Variants in MITF observed in about 807,000 individuals in gnomAD.
MITF encodes the protein melanocyte inducing transcription factor.
Under a neutral mutation model 60.5 loss-of-function variants are expected in MITF, and 17 were observed. That is an observed-to-expected ratio of 0.28 (90% CI 0.19 to 0.42). MITF has a LOEUF of 0.42. Among genes scored for constraint, MITF ranks in the 10% least tolerant of loss-of-function variants. The probability of loss-of-function intolerance (pLI) is 1.00; values close to 1 mark genes in which losing one functional copy is unlikely to be tolerated. For synonymous variants in MITF, 260 were observed against 248.5 expected (o/e 1.05, Z -0.43); for missense variants, 622 against 683.5 (o/e 0.91, Z 1.00).
intron 1 of MITF, among the ~76,000 whole-genome samples, chr3:69,822,255 G>A (rs2063287792): frequency 6.6e-6 from 1 of 152,036 alleles, no homozygotes; most frequent in Non-Finnish European, 1.5e-5. Flanking sequence ...AACAGAGAAA[G>A]AACATGTGGT....
intron 2 of MITF, among the ~76,000 whole-genome samples, chr3:69,919,971 A>T (rs1478077719): frequency 6.6e-6 from 1 of 152,216 alleles, no homozygotes. Flanking sequence ...TAGTTATACC[A>T]GATATAGATC....
At position 69,895,808 on chromosome 3, in the gene MITF, T is replaced by TTGTGTGTG. The variant is rs35088149; in HGVS notation, c.354+16459_354+16466dup. On this transcript the variant is annotated intron_variant, in intron 2 of 9. Transcript: ENST00000352241. The stretch of plus-strand genomic sequence containing the variant: ...TCCTTAAGAGAGAATTGTGGAGTGT[T>TTGTGTGTG]TGTGTGTGTGTGTGTGTGTGTGTGT... Among the ~76,000 whole-genome samples, 195 of 140,142 alleles carry TTGTGTGTG rather than the reference T, an allele frequency of 1.4e-3. 1 individual carries two copies. The highest frequency in any genetic ancestry group is 6.3e-3 in the South Asian group (27 of 4,298). 91.9% of individuals were successfully genotyped at this position (140,142 alleles called of 152,430 possible). A position where few individuals can be genotyped will look rare whatever the true frequency, so the allele number is the denominator to read the frequency against.
chr3:69,758,796 A>G (rs1394522141), intron 1 of MITF: 1 of 208,860 alleles, frequency 4.8e-6, no homozygotes, highest in Non-Finnish European at 9.7e-6. Context: ...CCTTTCAGGA[A>G]AATGTGTAAG....
rs1160501149 is a variant in MITF at position 69,967,034 on chromosome 3, G to A, written c.*1786G>A. ...ACAGAGTGCCAACTTCTTTCATCAG[G>A]AAACCTTATTCAGGAGGGTTTTTAA... On this transcript the variant is annotated 3_prime_UTR_variant, in exon 10 of 10. Coordinates refer to ENST00000352241, the MANE Select transcript of MITF (RefSeq NM_001354604.2). 4.3e-6 allele frequency: 1 copy of A among 232,078 alleles called. No individual in the cohort carries two copies. The highest frequency in any genetic ancestry group is 2.2e-5 in the African/African-American group (1 of 45,222). 14.4% of individuals were successfully genotyped at this position (232,078 alleles called of 1,614,324 possible). A position where few individuals can be genotyped will look rare whatever the true frequency, so the allele number is the denominator to read the frequency against.
chr3:69,814,666 G>A (rs1253806468), intron 1 of MITF, among the ~76,000 whole-genome samples: 1 of 152,042 alleles, frequency 6.6e-6, no homozygotes, highest in Admixed American at 6.6e-5. Context: ...ATTTGTGTGT[G>A]TGTGTGTCTG....
At position 69,965,264 on chromosome 3, in the gene MITF, C is replaced by T. The variant is rs2107553863; in HGVS notation, c.*16C>T. The T allele has an allele frequency of 6.2e-7, 1 of 1,611,800 alleles. No individual in the cohort carries two copies. Among genetic ancestry groups the T allele is most frequent in the East Asian group, 2.2e-5 (1 of 44,802 alleles). On this transcript the variant is annotated 3_prime_UTR_variant, in exon 10 of 10. Coordinates refer to ENST00000352241, the MANE Select transcript of MITF (RefSeq NM_001354604.2). Reference sequence around the variant, plus strand: ...CACTTGTTAGCGAATCCTCCCTGCACTGCATTCGCACAAACTGCTTCCTTT... The same window carrying T: ...CACTTGTTAGCGAATCCTCCCTGCATTGCATTCGCACAAACTGCTTCCTTT...
intron 1 of MITF, among the ~76,000 whole-genome samples, chr3:69,817,118 CTG>C (rs751716980): frequency 5.9e-5 from 9 of 152,116 alleles, no homozygotes; most frequent in Non-Finnish European, 1.0e-4. Flanking sequence ...CTCCTGAAGA[CTG>C]TATTTAAAAT....
intron 1 of MITF, among the ~76,000 whole-genome samples, chr3:69,798,457 G>T (rs375758789): frequency 1.3e-5 from 2 of 152,148 alleles, no homozygotes; most frequent in Non-Finnish European, 2.9e-5. Flanking sequence ...TATTTAAAGC[G>T]CATAGCATGG....
At chr3:69,807,473 C>T (rs1301167196) in intron 1 of MITF, among the ~76,000 whole-genome samples, 1 of 152,220 alleles carries the variant, frequency 6.6e-6, no homozygotes, top group Non-Finnish European at 1.5e-5. Flanking sequence ...TTTCCCTTCT[C>T]AAAGGCAATT....
At chr3:69,848,656 G>T (rs538353067) in intron 1 of MITF, among the ~76,000 whole-genome samples, 2 of 152,270 alleles carry the variant, frequency 1.3e-5, no homozygotes, top group Non-Finnish European at 2.9e-5. Context: ...GTGCAAAAGG[G>T]CTTTGCAAAA....
At chr3:69,941,119 A>G (rs2065958568) in intron 4 of MITF, 117 bp from the exon 5 acceptor site, 3 of 670,958 alleles carry the variant, frequency 4.5e-6, no homozygotes, top group Non-Finnish European at 7.9e-6. Flanking sequence ...GTTACTTCTT[A>G]GAATCTAACT....
intron 2 of MITF, among the ~76,000 whole-genome samples, chr3:69,883,221 C>G (rs552367611): frequency 1.3e-5 from 2 of 152,112 alleles, no homozygotes; most frequent in African/African-American, 4.8e-5. Context: ...TCAAGAGTTG[C>G]GCAAATTGCT....
chr3:69,853,502 G>A (rs527720424), intron 1 of MITF, among the ~76,000 whole-genome samples: 43 of 151,832 alleles, frequency 2.8e-4, no homozygotes, highest in African/African-American at 8.5e-4. Context: ...ATACCTGTCC[G>A]TTTAGTAAAG....
intron 1 of MITF, among the ~76,000 whole-genome samples, chr3:69,810,840 C>A (rs1206006130): frequency 6.6e-6 from 1 of 152,132 alleles, no homozygotes; most frequent in African/African-American, 2.4e-5. Flanking sequence ...CTTCATGGAG[C>A]TTATATTTTA....
At chr3:69,836,442 TG>T in intron 1 of MITF, among the ~76,000 whole-genome samples, 1 of 152,216 alleles carries the variant, frequency 6.6e-6, no homozygotes, top group Non-Finnish European at 1.5e-5. Flanking sequence ...ACCAGATGTC[TG>T]GTAGGTTTAA....
At chr3:69,949,239 A>G in intron 6 of MITF, 71 bp downstream of exon 6, 1 of 1,190,866 alleles carries the variant, frequency 8.4e-7, no homozygotes, top group Non-Finnish European at 1.3e-6. Context: ...AGTTATTGAT[A>G]TAGTGATGTG....
chr3:69,929,910 G>T (rs968542096), intron 2 of MITF, among the ~76,000 whole-genome samples: 3 of 152,102 alleles, frequency 2.0e-5, no homozygotes, highest in South Asian at 4.2e-4. Flanking sequence ...TGGATCCAGG[G>T]TATGAAAGAA....
intron 1 of MITF, among the ~76,000 whole-genome samples, chr3:69,866,732 A>G (rs2064122717): frequency 1.3e-5 from 2 of 152,190 alleles, no homozygotes; most frequent in Admixed American, 1.3e-4. Context: ...TGAATAAAAC[A>G]GGATTTTCTT....
At chr3:69,926,633 G>C (rs2065596058) in intron 2 of MITF, among the ~76,000 whole-genome samples, 1 of 152,154 alleles carries the variant, frequency 6.6e-6, no homozygotes, top group African/African-American at 2.4e-5. Flanking sequence ...AAAAGTTCTA[G>C]CATGTGGAAT....
Sources: gnomAD v4.1 joint callset for allele counts (sites outside exome capture counted in the v4.1 genomes callset) on GRCh38, gnomAD v4.1.1 for gene constraint, MANE v1.5 for transcripts, NCBI Gene and HGNC (gene_info 2026-07-23, HGNC 2026-07-21) for gene names.